Variants in CLDN16 observed in about 807,000 individuals in gnomAD.
CLDN16 encodes claudin-16.
CLDN16 carries 13 observed loss-of-function variants against 24.6 expected under a neutral mutation model. The ratio of observed to expected loss-of-function variants is 0.53; its 90% confidence interval spans 0.34 to 0.84. CLDN16 has a LOEUF of 0.84. Ranked by LOEUF, CLDN16 falls within the 40% of genes least tolerant of loss-of-function variation. CLDN16 has a pLI of 0.01. For synonymous variants in CLDN16, 116 were observed against 106.7 expected, an observed-to-expected ratio of 1.09 and a Z score of -0.54; for missense variants, 298 against 292.7, an observed-to-expected ratio of 1.02 and a Z score of -0.13.
At chr3:190,328,584 A>G (rs190335874) in intron 1 of CLDN16, among the ~76,000 whole-genome samples, 1 of 152,236 alleles carries the variant, frequency 6.6e-6, no homozygotes, top group African/African-American at 2.4e-5. Context: ...TTAGCAAGGA[A>G]TAGAGTGTGG....
the CLDN16 span, among the ~76,000 whole-genome samples, chr3:190,301,771 A>C: frequency 2.0e-5 from 3 of 152,162 alleles, no homozygotes; most frequent in Admixed American, 2.0e-4. Flanking sequence ...GACAGACTGC[A>C]ATCATCAAGC....
intron 1 of CLDN16, among the ~76,000 whole-genome samples, chr3:190,388,721 GCTA>G (rs1438524373): frequency 1.3e-5 from 2 of 152,082 alleles, no homozygotes; most frequent in African/African-American, 4.8e-5. Flanking sequence ...AGTGATCTCT[GCTA>G]CTGAGACCTC....
chr3:190,404,987 A>G, intron 3 of CLDN16, 61 bp downstream of exon 3: 1 of 1,534,232 alleles, frequency 6.5e-7, no homozygotes, highest in Non-Finnish European at 9.0e-7. Context: ...CTTGAGGTGA[A>G]GGAGAGAGTT....
At chr3:190,371,042 A>AT (rs1164154033) in intron 2 of CLDN16, 16 of 133,326 alleles carry the variant, frequency 1.2e-4, no homozygotes, top group East Asian at 2.2e-4. Context: ...ATATATATAA[A>AT]ATATATATGC....
intron 2 of CLDN16, among the ~76,000 whole-genome samples, chr3:190,403,314 A>G (rs1577429901): frequency 6.6e-6 from 1 of 152,330 alleles, no homozygotes; most frequent in Non-Finnish European, 1.5e-5. Flanking sequence ...CCTGGGAGAC[A>G]GAGCAAGACT....
chr3:190,356,841 ATATTT>A (rs1369358729), intron 1 of CLDN16, among the ~76,000 whole-genome samples: 1 of 151,934 alleles, frequency 6.6e-6, no homozygotes, highest in Admixed American at 6.6e-5. Flanking sequence ...TAGGTTGAAA[ATATTT>A]TATTATTCAA....
the CLDN16 span, among the ~76,000 whole-genome samples, chr3:190,314,103 A>G: frequency 2.8e-4 from 42 of 152,188 alleles, no homozygotes; most frequent in Non-Finnish European, 4.3e-4. Context: ...GAAACTTAGT[A>G]TTGTTTGGAA....
chr3:190,301,736 C>T, the CLDN16 span, among the ~76,000 whole-genome samples: 1 of 152,130 alleles, frequency 6.6e-6, no homozygotes, highest in Admixed American at 6.6e-5. Context: ...TAAATAATAT[C>T]CAGATTCTAA....
intron 1 of CLDN16, among the ~76,000 whole-genome samples, chr3:190,338,595 C>T (rs1344470064): frequency 6.6e-6 from 1 of 152,140 alleles, no homozygotes; most frequent in Admixed American, 6.5e-5. Context: ...CCAGACAAGC[C>T]ACCTAGATGA....
chr3:190,331,494 T>A (rs557611138), intron 1 of CLDN16, among the ~76,000 whole-genome samples: 2 of 152,192 alleles, frequency 1.3e-5, no homozygotes, highest in South Asian at 2.1e-4. Flanking sequence ...TAGTCACACA[T>A]GGCTATTTAA....
At chr3:190,380,749 C>T (rs986267461) in intron 3 of CLDN16, among the ~76,000 whole-genome samples, 7 of 151,920 alleles carry the variant, frequency 4.6e-5, no homozygotes, top group Non-Finnish European at 7.4e-5. Context: ...TGCACTCCAG[C>T]CTGGGCGACA....
chr3:190,360,961 C>T (rs1319855043), intron 1 of CLDN16, among the ~76,000 whole-genome samples: 35 of 151,882 alleles, frequency 2.3e-4, no homozygotes, highest in East Asian at 1.9e-4. Flanking sequence ...CTCCATAATA[C>T]GTTGTTATTG....
chr3:190,293,943 AAAT>A, the CLDN16 span, among the ~76,000 whole-genome samples: 1 of 152,212 alleles, frequency 6.6e-6, no homozygotes. Flanking sequence ...ATTTTAGTGG[AAAT>A]ACTGAGCAAG....
At position 190,393,799 on chromosome 3, in the gene CLDN16, G is replaced by T. The variant is rs138810344; in HGVS notation, c.114+5356G>T. The stretch of plus-strand genomic sequence containing the variant: ...AGAATCTCTCTCTGTCGCCCAAGCT[G>T]GAGTGCAGTGGCATGATCTTGGCTC... On this transcript the variant is annotated intron_variant, in intron 1 of 4. Coordinates refer to ENST00000264734, the MANE Select transcript of CLDN16 (RefSeq NM_006580.4). Among the ~76,000 whole-genome samples, 8 of 139,636 alleles carry T rather than the reference G, an allele frequency of 5.7e-5. No homozygotes were observed. In the East Asian group the frequency reaches 1.7e-3, roughly 30 times the overall value. 91.6% of individuals were successfully genotyped at this position (139,636 alleles called of 152,430 possible).
intron 1 of CLDN16, among the ~76,000 whole-genome samples, chr3:190,348,683 G>A (rs529680426): frequency 1.2e-4 from 19 of 152,270 alleles, no homozygotes; most frequent in African/African-American, 4.6e-4. Context: ...TAAGTTTTAA[G>A]GTCAGGGGTA....
At chr3:190,343,880 T>A (rs78078139) in intron 1 of CLDN16, among the ~76,000 whole-genome samples, 5,910 of 152,092 alleles carry the variant, frequency 0.039, 381 homozygotes, top group African/African-American at 0.13. Flanking sequence ...GATGAACAAG[T>A]TGAAAGATCT....
upstream of CLDN16, among the ~76,000 whole-genome samples, chr3:190,387,083 A>T (rs1261548152): frequency 1.3e-5 from 2 of 151,416 alleles, no homozygotes; most frequent in Non-Finnish European, 2.9e-5. Flanking sequence ...TCTTTCTCTC[A>T]CTCTGTCTCC....
chr3:190,400,629 A>G (rs1296185313), intron 1 of CLDN16, among the ~76,000 whole-genome samples: 1 of 152,206 alleles, frequency 6.6e-6, no homozygotes, highest in East Asian at 1.9e-4. Context: ...AGTTCCATCC[A>G]TGCTGACTTA....
chr3:190,409,312 A>G (rs139822219), intron 4 of CLDN16, among the ~76,000 whole-genome samples: 1 of 152,196 alleles, frequency 6.6e-6, no homozygotes, highest in Non-Finnish European at 1.5e-5. Flanking sequence ...ATGTATGTAT[A>G]TATGCACACA....
Sources: allele counts gnomAD v4.1 joint callset (sites outside exome capture counted in the v4.1 genomes callset), GRCh38; gene constraint gnomAD v4.1.1; transcripts MANE v1.5; gene names NCBI Gene and HGNC (gene_info 2026-07-23, HGNC 2026-07-21).